PALM: variants seen among roughly 807,000 people sequenced by gnomAD.
PALM encodes the protein paralemmin-1.
Under a neutral mutation model 30.7 loss-of-function variants are expected in PALM, and 18 were observed. The observed-to-expected ratio is 0.59, with a 90% CI of 0.41 to 0.87. The LOEUF is 0.87. PALM is among the 40% of genes least tolerant of loss of function. The probability of loss-of-function intolerance (pLI) is 0.00; values close to 1 mark genes in which losing one functional copy is unlikely to be tolerated. For synonymous variants in PALM, 286 were observed against 242.8 expected, an observed-to-expected ratio of 1.18 and a Z score of -1.66; for missense variants, 529 against 555.4, an observed-to-expected ratio of 0.95 and a Z score of 0.48.
At chr19:734,522 A>G (rs1239808469) in intron 6 of PALM, 5 of 340,050 alleles carry the variant, frequency 1.5e-5, no homozygotes, top group Non-Finnish European at 1.6e-5. Flanking sequence ...TGGGCAACAC[A>G]GGGAGACCCT....
intron 6 of PALM, chr19:735,197 AGGTGCCTGT>A (rs2032988284): frequency 1.1e-5 from 1 of 93,748 alleles, no homozygotes; most frequent in Non-Finnish European, 2.0e-5. Flanking sequence ...CTGGGGGCCC[AGGTGCCTGT>A]GTCCTGGTGT....
intron 4 of PALM, 119 bp from the exon 5 acceptor site, chr19:730,975 TG>T: frequency 3.0e-6 from 2 of 664,274 alleles, no homozygotes; most frequent in Non-Finnish European, 5.1e-6. Flanking sequence ...CACTCCAGCC[TG>T]GGCAACAAGA....
At position 747,117 on chromosome 19, in the gene PALM, G is replaced by A. The variant is rs888780763; in HGVS notation, c.*303G>A. ...CACGGCAGCTTCACAGACGCGGCTC[G>A]CGCCCACCGGGGTCCTGGCGGGTGG... is the stretch of plus-strand genomic sequence containing the variant. On this transcript the variant is annotated 3_prime_UTR_variant, in exon 9 of 9. Transcript: ENST00000338448. 5.5e-5 allele frequency: 18 copies of A among 326,616 alleles called. No homozygotes were observed. Among genetic ancestry groups the A allele is most frequent in the South Asian group, 1.6e-4 (4 of 24,696 alleles). The allele number at this position is 326,616 out of a possible 1,614,324, so 20.2% of individuals were successfully genotyped here.
In PALM at chr19:727,059, G is replaced by A; in HGVS notation, c.109G>A (p.Asp37Asn). 1 of 1,549,208 alleles carries A rather than the reference G, an allele frequency of 6.5e-7. No homozygotes were observed. The highest frequency in any genetic ancestry group is 8.7e-7 in the Non-Finnish European group (1 of 1,146,342). The part of the protein sequence containing the change: ...EIENKRRQLE[D>N]ERRQLQHLKS... ...CGAGAACAAGCGCCGGCAGCTGGAG[G>A]ACGAGCGGAGGCAGCTGCAGCACCT... The change falls in exon 3 of 9, where the codon GAC becomes AAC. Residue 37 changes from aspartate (D) to asparagine (N), a missense_variant. Transcript: ENST00000338448.
At chr19:729,530 A>T (rs2032804396) in intron 4 of PALM, among the ~76,000 whole-genome samples, 1 of 127,892 alleles carries the variant, frequency 7.8e-6, no homozygotes, top group African/African-American at 3.0e-5. Flanking sequence ...CGGTGGCGCG[A>T]TCTCAGCTCA....
intron 1 of PALM, among the ~76,000 whole-genome samples, chr19:710,453 C>T (rs1479536072): frequency 6.6e-6 from 1 of 152,188 alleles, no homozygotes; most frequent in African/African-American, 2.4e-5. Context: ...GCTCGCCAGG[C>T]CCCGGAGGAG....
chr19:730,957 C>T (rs1462263038), intron 4 of PALM, 138 bp from the exon 5 acceptor site: 6 of 598,476 alleles, frequency 1.0e-5, no homozygotes, highest in African/African-American at 3.8e-5. Flanking sequence ...GCCAAGATCA[C>T]GCCATTGCAC....
Position 727,552 on chromosome 19 carries a change from C to T in PALM, c.139-12C>T, listed in dbSNP as rs3746170. ...CCTGCCCACGACTCTGACCTGGATCCCTGCTGCTCAGTCCAAGGCACTGCG... is the reference window on the plus strand; with the variant it reads ...CCTGCCCACGACTCTGACCTGGATCTCTGCTGCTCAGTCCAAGGCACTGCG... On this transcript the variant is annotated splice_polypyrimidine_tract_variant and intron_variant, in intron 3 of 8. Coordinates refer to ENST00000338448, the MANE Select transcript of PALM (RefSeq NM_002579.3). 0.3 allele frequency: 474,244 copies of T among 1,568,346 alleles called. 74,980 individuals are homozygous for T. Among genetic ancestry groups the T allele is most frequent in the East Asian group, 0.49 (21,012 of 42,950 alleles).
In PALM at chr19:746,388, G is replaced by T; in HGVS notation, c.738G>T (p.Glu246Asp). The change falls in exon 9 of 9, where the codon GAG becomes GAT. Residue 246 changes from glutamate (E) to aspartate (D), a missense_variant. Glu to Asp is a conservative substitution (Grantham distance 45, BLOSUM62 2). Transcript: ENST00000338448. This position sits in a 1 kb window ranked among gnomAD's most constrained non-coding sequence, Gnocchi z 7.1. The stretch of plus-strand genomic sequence containing the variant: ...AAGCGGACGAGGTCACGCTGAGCGA[G>T]GCAGGGTCCACGGCCGGGGCGGCAG... ...IHKADEVTLS[E>D]AGSTAGAAET... 2 of 1,613,238 alleles carry T rather than the reference G, an allele frequency of 1.2e-6. No homozygotes were observed. The highest frequency in any genetic ancestry group is 1.7e-6 in the Non-Finnish European group (2 of 1,179,840).
At chr19:735,998 C>T in intron 6 of PALM, 21 bp from the exon 7 acceptor site, 2 of 1,602,916 alleles carry the variant, frequency 1.2e-6, no homozygotes, top group Non-Finnish European at 1.7e-6. Flanking sequence ...ATCTCTCTCT[C>T]CGCTTCCACC....
intron 2 of PALM, among the ~76,000 whole-genome samples, chr19:726,482 G>A (rs12610376): frequency 0.21 from 32,648 of 152,002 alleles, 3,681 homozygotes; most frequent in African/African-American, 0.26. Flanking sequence ...TTTGGTGATG[G>A]GAGCACAGAT....
chr19:711,496 T>G (rs1476773155), intron 1 of PALM, among the ~76,000 whole-genome samples: 1 of 152,146 alleles, frequency 6.6e-6, no homozygotes, highest in Non-Finnish European at 1.5e-5. Context: ...CTCCGTTGGG[T>G]GCTAACTGGG....
chr19:721,168 G>C (rs538730282), intron 1 of PALM, among the ~76,000 whole-genome samples: 6 of 152,306 alleles, frequency 3.9e-5, no homozygotes, highest in Admixed American at 3.3e-4. Flanking sequence ...TAGACCAACG[G>C]GGGAAGTGAA....
chr19:711,665 G>A (rs1402344518), intron 1 of PALM, among the ~76,000 whole-genome samples: 1 of 152,200 alleles, frequency 6.6e-6, no homozygotes. Flanking sequence ...GTTTGTGGCG[G>A]TGGCTTCTGG....
chr19:713,188 G>C (rs1161411710), intron 1 of PALM, among the ~76,000 whole-genome samples: 1 of 152,048 alleles, frequency 6.6e-6, no homozygotes, highest in Non-Finnish European at 1.5e-5. Flanking sequence ...GTGGTGGTCT[G>C]GATATCAGAC....
chr19:746,397 C>T lies in PALM; in HGVS notation c.747C>T (p.Ser249=), dbSNP rs1359391777. ...ADEVTLSEAG[S]TAGAAETRGA... ...AGGTCACGCTGAGCGAGGCAGGGTC[C>T]ACGGCCGGGGCGGCAGAGACCCGGG... The change falls in exon 9 of 9, where the codon TCC becomes TCT. Residue 249 remains serine (S), a synonymous_variant. Transcript: ENST00000338448. The surrounding 1 kb of genome is among the most constrained non-coding windows in gnomAD (Gnocchi z 7.1). 3 of 1,612,728 alleles carry T rather than the reference C, an allele frequency of 1.9e-6. No homozygotes were observed. The highest frequency in any genetic ancestry group is 2.7e-5 in the African/African-American group (2 of 74,916).
At chr19:727,219 T>C (rs1465219038) in intron 3 of PALM, 131 bp downstream of exon 3, 10 of 642,870 alleles carry the variant, frequency 1.6e-5, no homozygotes, top group African/African-American at 3.9e-5. Context: ...GCCCTGACCC[T>C]GACCCCGACC....
intron 1 of PALM, among the ~76,000 whole-genome samples, chr19:723,270 C>T (rs1000814342): frequency 1.3e-5 from 2 of 152,000 alleles, no homozygotes; most frequent in Admixed American, 1.3e-4. Flanking sequence ...GGCTCTGGGC[C>T]CTGACACCAG....
chr19:734,217 G>C (rs769779092), intron 6 of PALM, 23 bp downstream of exon 6: 28 of 1,611,984 alleles, frequency 1.7e-5, no homozygotes, highest in Non-Finnish European at 2.3e-5. Flanking sequence ...GAAGGAACTC[G>C]TGGGGCCTCG....
Sources: allele counts gnomAD v4.1 joint callset (sites outside exome capture counted in the v4.1 genomes callset), GRCh38; gene constraint gnomAD v4.1.1; non-coding constraint Gnocchi (gnomAD v3.1); transcripts MANE v1.5; gene names NCBI Gene and HGNC (gene_info 2026-07-23, HGNC 2026-07-21).